PIK3C3: variants seen among roughly 807,000 people sequenced by gnomAD.
The protein encoded by PIK3C3 is phosphatidylinositol 3-kinase catalytic subunit type 3.
Under a neutral mutation model 126.1 loss-of-function variants are expected in PIK3C3, and 95 were observed. The observed-to-expected ratio is 0.75, with a 90% CI of 0.64 to 0.89. The LOEUF (loss-of-function observed/expected upper bound fraction) is 0.89, where lower values mean the gene tolerates loss of function less well. PIK3C3 is among the 40% of genes least tolerant of loss of function. The probability of loss-of-function intolerance (pLI) is 0.00; values close to 1 mark genes in which losing one functional copy is unlikely to be tolerated. For missense variants in PIK3C3, 829 were observed against 1,063.2 expected (o/e 0.78, Z 3.06); for synonymous variants, 374 against 360.0 (o/e 1.04, Z -0.44).
At chr18:42,038,892 T>C in intron 18 of PIK3C3, 42 bp downstream of exon 18, 1 of 1,240,586 alleles carries the variant, frequency 8.1e-7, no homozygotes, top group Middle Eastern at 2.2e-4. Context: ...TTAGTGTACA[T>C]TGTGTGTACT....
At chr18:41,983,937 A>T (rs1417028202) in intron 4 of PIK3C3, among the ~76,000 whole-genome samples, 1 of 149,122 alleles carries the variant, frequency 6.7e-6, no homozygotes. Context: ...TGGAGAAGTT[A>T]GGGCTAAATT....
chr18:42,052,965 T>A (rs1278982120), intron 21 of PIK3C3: 1 of 152,172 alleles, frequency 6.6e-6, no homozygotes, highest in Non-Finnish European at 1.5e-5. Flanking sequence ...TCTGTACTCC[T>A]TTGCCAGCCC....
At chr18:42,020,133 G>A (rs2144417301) in intron 12 of PIK3C3, among the ~76,000 whole-genome samples, 1 of 152,124 alleles carries the variant, frequency 6.6e-6, no homozygotes, top group South Asian at 2.1e-4. Context: ...CCTTTGTTGG[G>A]TATCCATTGC....
intron 12 of PIK3C3, among the ~76,000 whole-genome samples, chr18:42,016,699 G>A (rs928997561): frequency 1.3e-5 from 2 of 152,110 alleles, no homozygotes; most frequent in African/African-American, 4.8e-5. Context: ...GAGTTTAAGT[G>A]TATATGTTTG....
At chr18:41,979,830 T>G (rs1165563548) in intron 4 of PIK3C3, among the ~76,000 whole-genome samples, 1 of 151,692 alleles carries the variant, frequency 6.6e-6, no homozygotes, top group Non-Finnish European at 1.5e-5. Context: ...ATTGTTAAAA[T>G]GTGGTCAGAT....
rs1472910652 is a variant in PIK3C3, at chr18:42,004,218, C to A, written c.985-138C>A. 6 of 624,636 alleles carry A rather than the reference C, an allele frequency of 9.6e-6. No homozygotes were observed. The South Asian group carries it at 1.2e-4, about 13-fold the overall frequency. The allele number at this position is 624,636 out of a possible 1,614,324, so 38.7% of individuals were successfully genotyped here. On this transcript the variant is annotated intron_variant, in intron 9 of 24. Coordinates refer to ENST00000262039, the MANE Select transcript of PIK3C3 (RefSeq NM_002647.4). ...TGCTTCTATAAGATCATATATATAA[C>A]TTCATTTAGTGCTTACACAAGGAGT...
Position 42,083,722 on chromosome 18 carries a change from C to G in PIK3C3, c.*2585C>G, listed in dbSNP as rs1048038901. ...ATTATTCTGTGAGATAGAATTGTCT[C>G]CTCATTTTTTAGTTGAAATAACTGA... On this transcript the variant is annotated 3_prime_UTR_variant, in exon 25 of 25. Transcript: ENST00000262039. 6.6e-6 allele frequency: 1 copy of G among 152,106 alleles called. No homozygotes were observed. Among genetic ancestry groups the G allele is most frequent in the African/African-American group, 2.4e-5 (1 of 41,428 alleles). The allele number at this position is 152,106 out of a possible 1,614,324, so 9.4% of individuals were successfully genotyped here. A position where few individuals can be genotyped will look rare whatever the true frequency, so the allele number is the denominator to read the frequency against.
chr18:42,052,191 G>T (rs1001906179), intron 21 of PIK3C3, among the ~76,000 whole-genome samples: 1 of 152,050 alleles, frequency 6.6e-6, no homozygotes, highest in Non-Finnish European at 1.5e-5. Context: ...TTTGATGGGG[G>T]TATTTAAGAG....
At chr18:41,969,229 A>G (rs1219422774) in intron 3 of PIK3C3, among the ~76,000 whole-genome samples, 2 of 151,876 alleles carry the variant, frequency 1.3e-5, no homozygotes, top group African/African-American at 2.4e-5. Context: ...TGTAATTTCT[A>G]TAGTCTTTTT....
intron 14 of PIK3C3, among the ~76,000 whole-genome samples, chr18:42,028,963 A>G (rs1021725280): frequency 1.3e-5 from 2 of 152,228 alleles, no homozygotes; most frequent in African/African-American, 4.8e-5. Flanking sequence ...ACATGTATAT[A>G]TGTCTAGCAC....
intron 10 of PIK3C3, among the ~76,000 whole-genome samples, chr18:42,011,979 G>T (rs1182704044): frequency 1.3e-5 from 2 of 152,134 alleles, no homozygotes; most frequent in Non-Finnish European, 2.9e-5. Flanking sequence ...ATATGGGTAT[G>T]CTTTGTGGCA....
At chr18:42,008,412 A>C (rs545656733) in intron 10 of PIK3C3, among the ~76,000 whole-genome samples, 4 of 152,316 alleles carry the variant, frequency 2.6e-5, no homozygotes, top group African/African-American at 9.6e-5. Flanking sequence ...AAAGTATGTC[A>C]CTTAGACTGG....
rs781304292 is a variant in PIK3C3 at position 42,049,610 on chromosome 18, CAATT to C, written c.2263+9_2263+12del. ...ACCTTTTGCTAACAAAAACAGGTAA[CAATT>C]AATGACTACCAGTAGACATACATTG... is the stretch of plus-strand genomic sequence containing the variant. On this transcript the variant is annotated splice_donor_region_variant and intron_variant, in intron 21 of 24. Coordinates refer to ENST00000262039, the MANE Select transcript of PIK3C3 (RefSeq NM_002647.4). 4.5e-5 allele frequency: 72 copies of C among 1,589,026 alleles called. No individual in the cohort carries two copies. Among genetic ancestry groups the C allele is most frequent in the Non-Finnish European group, 6.0e-5 (69 of 1,157,412 alleles).
At chr18:42,051,964 T>TA (rs1250286604) in intron 21 of PIK3C3, among the ~76,000 whole-genome samples, 1 of 151,314 alleles carries the variant, frequency 6.6e-6, no homozygotes, top group African/African-American at 2.4e-5. Flanking sequence ...CCCTAAAACT[T>TA]AAAGTATAAT....
intron 4 of PIK3C3, 45 bp from the exon 5 acceptor site, chr18:41,987,767 T>C (rs758677323): frequency 1.5e-6 from 2 of 1,308,766 alleles, no homozygotes; most frequent in Admixed American, 3.4e-5. Flanking sequence ...TCCTTCTTTC[T>C]ACTAGATGTA....
At chr18:42,037,013 G>T (rs1984085569) in intron 16 of PIK3C3, among the ~76,000 whole-genome samples, 1 of 152,182 alleles carries the variant, frequency 6.6e-6, no homozygotes, top group Non-Finnish European at 1.5e-5. Context: ...TATGTGTGTA[G>T]GGTATATGTG....
intron 16 of PIK3C3, among the ~76,000 whole-genome samples, chr18:42,037,064 C>G (rs1162648662): frequency 6.6e-6 from 1 of 152,032 alleles, no homozygotes; most frequent in Admixed American, 6.6e-5. Flanking sequence ...GGTCACAGCC[C>G]TAAAATATTT....
chr18:42,068,472 C>G (rs1157314975), intron 24 of PIK3C3, among the ~76,000 whole-genome samples: 1 of 152,166 alleles, frequency 6.6e-6, no homozygotes, highest in Admixed American at 6.5e-5. Flanking sequence ...CTGTAAACTT[C>G]TACATGGCAA....
At chr18:42,049,507 T>C (rs772288378) in intron 20 of PIK3C3, 24 bp from the exon 21 acceptor site, 2 of 1,588,478 alleles carry the variant, frequency 1.3e-6, no homozygotes, top group Non-Finnish European at 1.7e-6. Context: ...TGTTTTCACA[T>C]ATTTTTTTTA....
Sources: allele counts gnomAD v4.1 joint callset (sites outside exome capture counted in the v4.1 genomes callset), GRCh38; gene constraint gnomAD v4.1.1; transcripts MANE v1.5; gene names NCBI Gene and HGNC (gene_info 2026-07-23, HGNC 2026-07-21).